Variants in MTDH observed in about 807,000 individuals in gnomAD.
The protein encoded by MTDH is protein LYRIC.
In MTDH, 34 loss-of-function variants were observed where a neutral mutation model predicts 72.7. The ratio of observed to expected loss-of-function variants is 0.47; its 90% CI spans 0.36 to 0.62. The LOEUF (loss-of-function observed/expected upper bound fraction) is 0.62, where lower values mean the gene tolerates loss of function less well. Ranked by LOEUF, MTDH falls within the 20% of genes least tolerant of loss-of-function variation. The pLI, the probability that MTDH is intolerant of heterozygous loss-of-function variation, is 0.00. For missense variants in MTDH, 677 were observed against 699.4 expected (o/e 0.97, Z 0.36); for synonymous variants, 266 against 268.9 (o/e 0.99, Z 0.10).
chr8:97,724,563 T>G, intron 11 of MTDH, 37 bp from the exon 12 acceptor site: 1 of 1,442,946 alleles, frequency 6.9e-7, no homozygotes, highest in Non-Finnish European at 9.5e-7. Flanking sequence ...ACCATCCTCC[T>G]AATTTTTTTC....
chr8:97,657,265 T>C (rs568277094), intron 1 of MTDH, among the ~76,000 whole-genome samples: 1 of 152,348 alleles, frequency 6.6e-6, no homozygotes, highest in South Asian at 2.1e-4. Context: ...TTCTATCATT[T>C]TTCTGTTACT....
chr8:97,686,777 T>G (rs562197979), intron 3 of MTDH, 25 bp downstream of exon 3: 1 of 1,513,980 alleles, frequency 6.6e-7, no homozygotes, highest in South Asian at 1.3e-5. Flanking sequence ...GAAAGGACTG[T>G]AGAAAATTTT....
chr8:97,656,053 G>T (rs1045994178), intron 1 of MTDH, among the ~76,000 whole-genome samples: 1 of 152,080 alleles, frequency 6.6e-6, no homozygotes, highest in Non-Finnish European at 1.5e-5. Flanking sequence ...TTTTTTGGGG[G>T]AAGTTGGTAG....
chr8:97,664,106 A>C (rs1812284285), intron 2 of MTDH, among the ~76,000 whole-genome samples: 1 of 152,244 alleles, frequency 6.6e-6, no homozygotes, highest in Non-Finnish European at 1.5e-5. Context: ...CTGTAATCCC[A>C]GCACTTTGGG....
At chr8:97,704,288 A>C (rs896993976) in intron 7 of MTDH, among the ~76,000 whole-genome samples, 1 of 152,234 alleles carries the variant, frequency 6.6e-6, no homozygotes, top group Admixed American at 6.5e-5. Flanking sequence ...GCACGTGCAG[A>C]AGGATTCTAT....
At chr8:97,715,961 G>C (rs1439042542) in intron 9 of MTDH, among the ~76,000 whole-genome samples, 2 of 151,950 alleles carry the variant, frequency 1.3e-5, no homozygotes, top group Non-Finnish European at 2.9e-5. Context: ...TTTAGAGTCA[G>C]ATCTATATTC....
intron 2 of MTDH, among the ~76,000 whole-genome samples, chr8:97,664,985 C>G (rs1812321683): frequency 6.6e-6 from 1 of 152,202 alleles, no homozygotes. Context: ...TGGTCGCGAA[C>G]TCCTGACCTC....
In MTDH at chr8:97,714,454, A is replaced by T. The variant is rs143470813; in HGVS notation, c.1380+685A>T. 2.6e-3 allele frequency among the ~76,000 whole-genome samples: 387 copies of T among 151,670 alleles called. 2 individuals carry two copies. The highest frequency in any genetic ancestry group is 8.8e-3 in the African/African-American group (366 of 41,446). On this transcript the variant is annotated intron_variant, in intron 9 of 11. Transcript: ENST00000336273. ...ATGGCAAAACCCTGTCTCTACAAAA[A>T]TTAGCTAGGCACGGTGGCATACGCT...
chr8:97,689,000 AT>A, intron 4 of MTDH, 37 bp from the exon 5 acceptor site: 1 of 1,100,070 alleles, frequency 9.1e-7, no homozygotes. Flanking sequence ...ATAGTGCCCT[AT>A]TTAGTATTAA....
At chr8:97,655,048 G>A (rs1269137543) in intron 1 of MTDH, among the ~76,000 whole-genome samples, 1 of 150,174 alleles carries the variant, frequency 6.7e-6, no homozygotes, top group Non-Finnish European at 1.5e-5. Flanking sequence ...GTCGAGCCGA[G>A]ATCACACACC....
In MTDH at chr8:97,728,001, C is replaced by G. The variant is rs1397552299; in HGVS notation, c.*3331C>G. The stretch of plus-strand genomic sequence containing the variant: ...TAGTGGTCTTATTTCATAGGCTAAT[C>G]TGGTTTATATTTGCATTAAAGATAC... On this transcript the variant is annotated 3_prime_UTR_variant, in exon 12 of 12. Coordinates refer to ENST00000336273, the MANE Select transcript of MTDH (RefSeq NM_178812.4). The G allele has an allele frequency of 2.0e-5, 3 of 151,982 alleles. No homozygotes were observed. Among genetic ancestry groups the G allele is most frequent in the Non-Finnish European group, 4.4e-5 (3 of 67,996 alleles). The allele number at this position is 151,982 out of a possible 1,614,324, so 9.4% of individuals were successfully genotyped here.
chr8:97,694,548 T>C (rs551153864), intron 6 of MTDH, among the ~76,000 whole-genome samples: 3 of 152,306 alleles, frequency 2.0e-5, no homozygotes, highest in African/African-American at 7.2e-5. Flanking sequence ...ATCATTTAAT[T>C]ATATTGTTTT....
intron 9 of MTDH, among the ~76,000 whole-genome samples, chr8:97,715,119 C>T (rs1043100021): frequency 6.6e-6 from 1 of 151,684 alleles, no homozygotes; most frequent in African/African-American, 2.4e-5. Context: ...AACCACCACG[C>T]CCAGCCTTAT....
intron 10 of MTDH, among the ~76,000 whole-genome samples, chr8:97,721,035 A>G (rs1298290273): frequency 6.6e-6 from 1 of 152,150 alleles, no homozygotes; most frequent in Non-Finnish European, 1.5e-5. Context: ...CTTAATGTAG[A>G]TAAGTGAGAG....
chr8:97,687,386 C>T (rs1275891279), intron 3 of MTDH, 43 bp from the exon 4 acceptor site: 2 of 1,509,426 alleles, frequency 1.3e-6, no homozygotes, highest in Admixed American at 2.2e-5. Flanking sequence ...ACTTTTTTGT[C>T]TTCCCCTTAC....
intron 1 of MTDH, among the ~76,000 whole-genome samples, chr8:97,651,343 A>G (rs1373537306): frequency 1.3e-5 from 2 of 152,264 alleles, no homozygotes; most frequent in Non-Finnish European, 2.9e-5. Flanking sequence ...TGTAAGGTAT[A>G]TCACAGCCTT....
intron 7 of MTDH, among the ~76,000 whole-genome samples, chr8:97,702,331 C>A (rs1428596376): frequency 6.6e-6 from 1 of 152,184 alleles, no homozygotes; most frequent in Admixed American, 6.6e-5. Context: ...GGACAGACTA[C>A]CTGGGTTTCA....
chr8:97,701,513 G>A (rs546830413), intron 7 of MTDH, among the ~76,000 whole-genome samples: 7 of 152,146 alleles, frequency 4.6e-5, no homozygotes, highest in Admixed American at 1.3e-4. Context: ...CCATGGATAC[G>A]CAGGGCTGAC....
rs1183963448 is a variant in MTDH, at chr8:97,644,780, G to T, written c.274G>T (p.Ala92Ser). 6.5e-7 allele frequency: 1 copy of T among 1,549,186 alleles called. No individual in the cohort carries two copies. Among genetic ancestry groups the T allele is most frequent in the African/African-American group, 1.5e-5 (1 of 68,878 alleles). ...RRSPPRKREE[A>S]AAVPAAAPDD... ...GAGCCCGCCCCGCAAGCGGGAGGAG[G>T]CGGCGGCCGTGCCGGCCGCGGCCCC... is the stretch of plus-strand genomic sequence containing the variant. Residue 92 changes from alanine to serine, a missense_variant, in exon 1 of 12, where the codon GCG becomes TCG. Coordinates refer to ENST00000336273, the MANE Select transcript of MTDH (RefSeq NM_178812.4).
Sources: gnomAD v4.1 joint callset for allele counts (sites outside exome capture counted in the v4.1 genomes callset) on GRCh38, gnomAD v4.1.1 for gene constraint, MANE v1.5 for transcripts, NCBI Gene and HGNC (gene_info 2026-07-23, HGNC 2026-07-21) for gene names.